EPB41L3: variants seen among roughly 807,000 people sequenced by gnomAD.
The protein encoded by EPB41L3 is band 4.1-like protein 3.
Under a neutral mutation model 127.1 loss-of-function variants are expected in EPB41L3, and 57 were observed. The ratio of observed to expected loss-of-function variants is 0.45; its 90% CI spans 0.36 to 0.56. The LOEUF is 0.56. Ranked by LOEUF, EPB41L3 falls within the 20% of genes least tolerant of loss-of-function variation. The probability of loss-of-function intolerance (pLI) is 0.00; values close to 1 mark genes in which losing one functional copy is unlikely to be tolerated. For missense variants in EPB41L3, 1,273 were observed against 1,372.2 expected (o/e 0.93, Z 1.14); for synonymous variants, 572 against 549.5 (o/e 1.04, Z -0.57).
chr18:5,479,288 G>A (rs11874131), intron 2 of EPB41L3, among the ~76,000 whole-genome samples: 2 of 152,160 alleles, frequency 1.3e-5, no homozygotes, highest in African/African-American at 2.4e-5. Flanking sequence ...CGCCACCACT[G>A]CCACTAGTCT....
rs530779686 is a variant in EPB41L3 at position 5,433,438 on chromosome 18, T to C, written c.912+31A>G. 7.4e-6 allele frequency: 11 copies of C among 1,482,678 alleles called. 1 individual carries two copies. The highest frequency in any genetic ancestry group is 6.8e-5 in the East Asian group (3 of 44,110). 91.8% of individuals were successfully genotyped at this position (1,482,678 alleles called of 1,614,324 possible). ...CAACATCAAGTTACATAATATTAAA[T>C]TGAAAGTTTAGGGTTTAAAAAGATG... On this transcript the variant is annotated intron_variant, in intron 8 of 22. Coordinates refer to ENST00000341928, the MANE Select transcript of EPB41L3 (RefSeq NM_012307.5).
At chr18:5,575,703 G>C (rs1031613600) in intron 3 of EPB41L3, among the ~76,000 whole-genome samples, 1 of 152,120 alleles carries the variant, frequency 6.6e-6, no homozygotes, top group Non-Finnish European at 1.5e-5. Flanking sequence ...CAGGCGTGGT[G>C]GTGGGTACCT....
Position 5,398,141 on chromosome 18 carries a change from A to G in EPB41L3, c.2352T>C (p.Thr784=), listed in dbSNP as rs1293415280. ...PMIEPLVPEE[T]KQSSGEKLMD... is the part of the protein sequence containing the mutation. ...TGAGCTTTTCCCCAGAAGACTGCTTAGTCTGAGTGAACAAAGAGAGGCAGA... is the reference window on the plus strand; with the variant it reads ...TGAGCTTTTCCCCAGAAGACTGCTTGGTCTGAGTGAACAAAGAGAGGCAGA... The change falls in exon 17 of 23, where the codon ACT becomes ACC. Residue 784 remains threonine (T), a splice_region_variant and synonymous_variant. Transcript: ENST00000341928. The G allele has an allele frequency of 6.2e-7, 1 of 1,614,100 alleles. No homozygotes were observed. The highest frequency in any genetic ancestry group is 2.2e-5 in the East Asian group (1 of 44,872).
chr18:5,603,863 C>A (rs938223172), intron 3 of EPB41L3, among the ~76,000 whole-genome samples: 5 of 151,840 alleles, frequency 3.3e-5, no homozygotes, highest in African/African-American at 9.7e-5. Flanking sequence ...GAGGCCTTGT[C>A]TCAAAATTAA....
chr18:5,441,611 G>T (rs930197158), intron 5 of EPB41L3, among the ~76,000 whole-genome samples: 2 of 152,140 alleles, frequency 1.3e-5, no homozygotes, highest in Non-Finnish European at 2.9e-5. Context: ...GACTACAGGC[G>T]CACGCCACCA....
At chr18:5,541,282 C>T (rs1484640625) in intron 1 of EPB41L3, among the ~76,000 whole-genome samples, 1 of 128,346 alleles carries the variant, frequency 7.8e-6, no homozygotes, top group Non-Finnish European at 1.6e-5. Flanking sequence ...AAAAAAGTCT[C>T]TCTCTTCATT....
chr18:5,450,269 A>ATT (rs1338579558), intron 3 of EPB41L3, among the ~76,000 whole-genome samples: 1 of 152,218 alleles, frequency 6.6e-6, no homozygotes, highest in Non-Finnish European at 1.5e-5. Context: ...TGGTGAACGC[A>ATT]TGACATTATG....
intron 3 of EPB41L3, among the ~76,000 whole-genome samples, chr18:5,594,420 A>T (rs1368114590): frequency 6.6e-6 from 1 of 152,200 alleles, no homozygotes; most frequent in African/African-American, 2.4e-5. Context: ...ATCCTGTGTG[A>T]CCTCATTTTA....
chr18:5,423,300 T>G, intron 11 of EPB41L3, 78 bp downstream of exon 11: 1 of 1,378,546 alleles, frequency 7.3e-7, no homozygotes. Context: ...ATATCTATAC[T>G]TACTGAAAGC....
rs1013461365 is a variant in EPB41L3, at chr18:5,576,691, G to A, written c.-306+35649C>T. ...GGTTCCTGAGCTGGGCTTGTGGGCA[G>A]CCCCATGCCTCTGAGGTTTAAGTAA... is the stretch of plus-strand genomic sequence containing the variant. On this transcript the variant is annotated intron_variant, in intron 3 of 21. Transcript: ENST00000545076. 2.0e-5 allele frequency among the ~76,000 whole-genome samples: 3 copies of A among 152,308 alleles called. No individual in the cohort carries two copies. The East Asian group carries it at 5.8e-4, about 29-fold the overall frequency.
chr18:5,617,230 T>C (rs1318685087), intron 1 of EPB41L3, among the ~76,000 whole-genome samples: 1 of 152,158 alleles, frequency 6.6e-6, no homozygotes, highest in Non-Finnish European at 1.5e-5. Flanking sequence ...TAACAGTACC[T>C]TGCTTATAAA....
intron 2 of EPB41L3, 180 bp downstream of exon 2, chr18:5,488,821 G>C (rs1211417756): frequency 8.4e-6 from 5 of 592,160 alleles, no homozygotes; most frequent in Non-Finnish European, 1.1e-5. Context: ...ACCAAGCAAG[G>C]TTGTGGAATG....
chr18:5,445,865 C>T (rs1055594835), intron 3 of EPB41L3, among the ~76,000 whole-genome samples: 8 of 152,098 alleles, frequency 5.3e-5, no homozygotes, highest in African/African-American at 1.9e-4. Context: ...CTAGGTTGCG[C>T]GCTCCTTATG....
At chr18:5,583,784 A>T (rs1277661053) in intron 3 of EPB41L3, among the ~76,000 whole-genome samples, 1 of 152,126 alleles carries the variant, frequency 6.6e-6, no homozygotes, top group East Asian at 1.9e-4. Flanking sequence ...CAAGTTAGCC[A>T]TTTAAAGGGA....
intron 3 of EPB41L3, among the ~76,000 whole-genome samples, chr18:5,609,310 CCAAT>C (rs894276858): frequency 6.6e-5 from 10 of 152,252 alleles, no homozygotes; most frequent in African/African-American, 2.4e-4. Context: ...TAATATCATA[CCAAT>C]CAAACGCTTT....
chr18:5,446,257 CTTGAG>C (rs1235602526), intron 3 of EPB41L3, among the ~76,000 whole-genome samples: 15 of 152,118 alleles, frequency 9.9e-5, no homozygotes, highest in Middle Eastern at 3.4e-3. Flanking sequence ...TTAAAGAATA[CTTGAG>C]TTATCATATA....
intron 16 of EPB41L3, among the ~76,000 whole-genome samples, chr18:5,404,309 C>T (rs1467232330): frequency 6.6e-6 from 1 of 152,218 alleles, no homozygotes; most frequent in Non-Finnish European, 1.5e-5. Flanking sequence ...GCTATGTCTC[C>T]ATTCACAGTG....
intron 1 of EPB41L3, among the ~76,000 whole-genome samples, chr18:5,535,482 C>T (rs2093545175): frequency 1.3e-5 from 2 of 152,150 alleles, no homozygotes; most frequent in Admixed American, 6.5e-5. Context: ...CACTGAGTAG[C>T]ACAAAATGGT....
Position 5,593,288 on chromosome 18 carries a change from A to G in EPB41L3, c.-306+19052T>C, listed in dbSNP as rs556246382. Among the ~76,000 whole-genome samples the G allele has an allele frequency of 2.0e-5, 3 of 148,684 alleles. No individual in the cohort carries two copies. The East Asian group carries it at 6.0e-4, about 30-fold the overall frequency. Reference sequence around the variant, plus strand: ...ATTTCATGTATGTTCCATTTTCCCTAAGCAACAGCCGGTTTGAGAAATAAA... The same window carrying G: ...ATTTCATGTATGTTCCATTTTCCCTGAGCAACAGCCGGTTTGAGAAATAAA... On this transcript the variant is annotated intron_variant, in intron 3 of 21. Transcript: ENST00000545076.
Sources: gnomAD v4.1 joint callset for allele counts (sites outside exome capture counted in the v4.1 genomes callset) on GRCh38, gnomAD v4.1.1 for gene constraint, MANE v1.5 for transcripts, NCBI Gene and HGNC (gene_info 2026-07-23, HGNC 2026-07-21) for gene names.